The following HJV variants were observed in gnomAD, a reference collection of about 807,000 sequenced individuals.
HJV encodes hemojuvelin.
Under a neutral mutation model 22.7 loss-of-function variants are expected in HJV, and 18 were observed. That is an observed-to-expected ratio of 0.79 (90% confidence interval 0.55 to 1.18). The LOEUF (loss-of-function observed/expected upper bound fraction) is 1.18. Ranked by LOEUF, HJV falls within the 50% of genes most tolerant of loss-of-function variation. HJV has a pLI of 0.00. For synonymous variants in HJV, 229 were observed against 222.7 expected (o/e 1.03, Z -0.25); for missense variants, 572 against 553.0 (o/e 1.03, Z -0.34).
At position 146,018,152 on chromosome 1, in the gene HJV, C is replaced by A. The variant is rs1571041341; in HGVS notation, c.1206G>T (p.Gly402=). 4.3e-6 allele frequency: 7 copies of A among 1,614,070 alleles called. No homozygotes were observed. In the East Asian group the frequency reaches 1.6e-4, roughly 36 times the overall value. Residue 402 remains glycine, a synonymous_variant, in exon 4 of 4, where the codon GGG becomes GGT. Transcript: ENST00000336751. ...EKLHLFPSDA[G]VPLSSATLLA... is the part of the protein sequence containing the mutation. ...AGAGGGTTGCTGAGGAAAGAGGAAC[C>A]CCAGCATCTGAGGGGAAGAGATGCA...
In HJV at chr1:146,019,133, G is replaced by A. The variant is rs368033719; in HGVS notation, c.657+42C>T. ...ATGGGGAGGAATGGTGCCCGTGGAA[G>A]AATCTCATGAGGTGGATCGGAAGGA... On this transcript the variant is annotated intron_variant, in intron 3 of 3. Coordinates refer to ENST00000336751, the MANE Select transcript of HJV (RefSeq NM_213653.4). 6.7e-6 allele frequency: 10 copies of A among 1,503,278 alleles called. No homozygotes were observed. In the African/African-American group the frequency reaches 9.6e-5, roughly 14 times the overall value. 93.1% of individuals were successfully genotyped at this position (1,503,278 alleles called of 1,614,324 possible). A position where few individuals can be genotyped will look rare whatever the true frequency, so the allele number is the denominator to read the frequency against.
chr1:146,020,140 C>G lies in HJV; in HGVS notation c.92G>C (p.Gly31Ala). ...STLTLLLLLC[G>A]HAHSQCKILR... ...CTTCCCTGGCCCTTCCTTACCATGT[C>G]CACAGAGGAGCAGCAGGAGAGTGAG... The change falls in exon 2 of 4, where the codon GGA becomes GCA. Residue 31 changes from glycine to alanine, a missense_variant. Transcript: ENST00000336751. 6.2e-7 allele frequency: 1 copy of G among 1,605,478 alleles called. No individual in the cohort carries two copies. The highest frequency in any genetic ancestry group is 8.5e-7 in the Non-Finnish European group (1 of 1,172,152).
In HJV at chr1:146,017,942, C is replaced by T. The variant is rs182629685; in HGVS notation, c.*135G>A. 26 of 984,198 alleles carry T rather than the reference C, an allele frequency of 2.6e-5. No homozygotes were observed. The East Asian group carries it at 6.2e-4, about 24-fold the overall frequency. 61.0% of individuals were successfully genotyped at this position (984,198 alleles called of 1,614,324 possible). On this transcript the variant is annotated 3_prime_UTR_variant, in exon 4 of 4. Coordinates refer to ENST00000336751, the MANE Select transcript of HJV (RefSeq NM_213653.4). Reference sequence around the variant, plus strand: ...GATAATTTCAACCCTGGACTGCAGCCTCATCTGACTCTGGATAATGTCATT... The same window carrying T: ...GATAATTTCAACCCTGGACTGCAGCTTCATCTGACTCTGGATAATGTCATT...
In HJV at chr1:146,019,343, C is replaced by A. The variant is rs1553769670; in HGVS notation, c.489G>T (p.Gly163=). 2 of 1,613,856 alleles carry A rather than the reference C, an allele frequency of 1.2e-6. No individual in the cohort carries two copies. The highest frequency in any genetic ancestry group is 1.7e-5 in the Admixed American group (1 of 60,036). Residue 163 remains glycine (G), a synonymous_variant, in exon 3 of 4, where the codon GGG becomes GGT. Transcript: ENST00000336751. ...CCCCGAAGGAAGCGCAATGCAAGAA[C>A]CCCGGGGGACGACCATGCAGCCGGG... ...RFSRLHGRPP[G]FLHCASFGDP...
At chr1:146,020,590 T>C (rs1460636519) in intron 1 of HJV, among the ~76,000 whole-genome samples, 1 of 152,192 alleles carries the variant, frequency 6.6e-6, no homozygotes, top group Non-Finnish European at 1.5e-5. Context: ...TGCTCCATTC[T>C]GAGCTACCAA....
In HJV at chr1:146,018,187, A is replaced by C; in HGVS notation, c.1171T>G (p.Leu391Val). 1 of 1,614,166 alleles carries C rather than the reference A, an allele frequency of 6.2e-7. No individual in the cohort carries two copies. Among genetic ancestry groups the C allele is most frequent in the Non-Finnish European group, 8.5e-7 (1 of 1,180,028 alleles). Residue 391 changes from leucine (L) to valine (V), a missense_variant, in exon 4 of 4, where the codon TTA becomes GTA. Coordinates refer to ENST00000336751, the MANE Select transcript of HJV (RefSeq NM_213653.4). ...LEDARAFLPD[L>V]EKLHLFPSDA... ...GAGGGGAAGAGATGCAGCTTCTCTAAGTCTGGCAGGAAGGCTCGGGCATCC... is the reference window on the plus strand; with the variant it reads ...GAGGGGAAGAGATGCAGCTTCTCTACGTCTGGCAGGAAGGCTCGGGCATCC...
Position 146,019,378 on chromosome 1 carries a change from C to T in HJV, c.454G>A (p.Gly152Ser), listed in dbSNP as rs781817183. 6.2e-7 allele frequency: 1 copy of T among 1,613,756 alleles called. No individual in the cohort carries two copies. Among genetic ancestry groups the T allele is most frequent in the Admixed American group, 1.7e-5 (1 of 60,026 alleles). Residue 152 changes from glycine (G) to serine (S), a missense_variant, in exon 3 of 4, where the codon GGC becomes AGC. Transcript: ENST00000336751. ...CGACCATGCAGCCGGGAAAACCGGCCTTCATAGTCACAAGGGTCCGGGGCA... is the reference window on the plus strand; with the variant it reads ...CGACCATGCAGCCGGGAAAACCGGCTTTCATAGTCACAAGGGTCCGGGGCA... ...LPAPDPCDYE[G>S]RFSRLHGRPP...
At chr1:146,018,795 A>T in intron 3 of HJV, 95 bp from the exon 4 acceptor site, 1 of 1,306,930 alleles carries the variant, frequency 7.7e-7, no homozygotes, top group Non-Finnish European at 1.1e-6. Context: ...ATCCAAGTAG[A>T]GATGCAGGAC....
At position 146,019,689 on chromosome 1, in the gene HJV, G is replaced by A. The variant is rs1305404947; in HGVS notation, c.143C>T (p.Ser48Leu). The A allele has an allele frequency of 1.2e-6, 2 of 1,613,916 alleles. No homozygotes were observed. Among genetic ancestry groups the A allele is most frequent in the Non-Finnish European group, 8.5e-7 (1 of 1,179,976 alleles). The change falls in exon 3 of 4, where the codon TCG (serine) becomes TTG (leucine). Residue 48 changes from serine (S) to leucine (L), a missense_variant. Physicochemically the swap from Ser to Leu is moderately radical, Grantham distance 145 (BLOSUM62 -2). Coordinates refer to ENST00000336751, the MANE Select transcript of HJV (RefSeq NM_213653.4). Reference sequence around the variant, plus strand: ...CCCACCTCTAAGGCTCAGAGTGGACGATACGTACTCAGCATTGCAGCGGAG... The same window carrying A: ...CCCACCTCTAAGGCTCAGAGTGGACAATACGTACTCAGCATTGCAGCGGAG... ...KILRCNAEYV[S>L]STLSLRGGGS...
In HJV at chr1:146,018,467, G is replaced by A. The variant is rs2101982488; in HGVS notation, c.891C>T (p.Ser297=). The A allele has an allele frequency of 7.4e-6, 12 of 1,614,176 alleles. No individual in the cohort carries two copies. The highest frequency in any genetic ancestry group is 1.0e-5 in the Non-Finnish European group (12 of 1,180,038). The change falls in exon 4 of 4, where the codon TCC becomes TCT. Residue 297 remains serine (S), a synonymous_variant. Transcript: ENST00000336751. ...IRQTAGQLSF[S]IKVAEDVAMA... is the part of the protein sequence containing the mutation. ...TGGCCACATCCTCTGCTACCTTGAT[G>A]GAGAAGGAGAGCTGCCCAGCTGTCT... is the stretch of plus-strand genomic sequence containing the variant.
rs587644102 is a variant in HJV at position 146,019,625 on chromosome 1, GCCTCCT to G, written c.201_206del (p.Gly68_Gly69del). On this transcript the variant is annotated inframe_deletion, in exon 3 of 4. Coordinates refer to ENST00000336751, the MANE Select transcript of HJV (RefSeq NM_213653.4). ...CGCCAGAGCCCACCCCTCCACCCCGGCCTCCTCCTCCTCCTCCTCGAAGTGCTCCTG... is the reference window on the plus strand; with the variant it reads ...CGCCAGAGCCCACCCCTCCACCCCGGCCTCCTCCTCCTCGAAGTGCTCCTG... 2 of 1,608,880 alleles carry G rather than the reference GCCTCCT, an allele frequency of 1.2e-6. No homozygotes were observed. The highest frequency in any genetic ancestry group is 1.7e-6 in the Non-Finnish European group (2 of 1,175,816).
rs782510211 is a variant in HJV at position 146,019,249 on chromosome 1, C to G, written c.583G>C (p.Asp195His). 1 of 1,613,994 alleles carries G rather than the reference C, an allele frequency of 6.2e-7. No homozygotes were observed. The highest frequency in any genetic ancestry group is 8.5e-7 in the Non-Finnish European group (1 of 1,180,034). ...GCTTGGACAAAGAGGAAGTCATTAT[C>G]CAGTAGAGGCCAAGCTCCTTGGACA... ...CRVQGAWPLL[D>H]NDFLFVQATS... is the part of the protein sequence containing the mutation. Residue 195 changes from aspartate (D) to histidine (H), a missense_variant, in exon 3 of 4, where the codon GAT becomes CAT. Coordinates refer to ENST00000336751, the MANE Select transcript of HJV (RefSeq NM_213653.4).
Position 146,019,741 on chromosome 1 carries a change from A to G in HJV, c.98-7T>C. 6.2e-7 allele frequency: 1 copy of G among 1,614,024 alleles called. No homozygotes were observed. The highest frequency in any genetic ancestry group is 8.5e-7 in the Non-Finnish European group (1 of 1,179,994). On this transcript the variant is annotated splice_polypyrimidine_tract_variant and splice_region_variant and intron_variant, in intron 2 of 3. Transcript: ENST00000336751. Reference sequence around the variant, plus strand: ...ATCTTGCATTGAGAATGAGCTAAAGACAGAAGGGAGAGGATTGTGAGACGG... The same window carrying G: ...ATCTTGCATTGAGAATGAGCTAAAGGCAGAAGGGAGAGGATTGTGAGACGG...
chr1:146,019,310 A>T lies in HJV; in HGVS notation c.522T>A (p.His174Gln). ...GAAAGTGATGGTGGAAGCTGCGCAC[A>T]TGGGGGTCCCCGAAGGAAGCGCAAT... ...FLHCASFGDP[H>Q]VRSFHHHFHT... Residue 174 changes from histidine to glutamine, a missense_variant, in exon 3 of 4, where the codon CAT becomes CAA. His to Gln is a conservative substitution (Grantham distance 24). Transcript: ENST00000336751. The T allele has an allele frequency of 6.2e-7, 1 of 1,613,830 alleles. No individual in the cohort carries two copies. The highest frequency in any genetic ancestry group is 8.5e-7 in the Non-Finnish European group (1 of 1,180,020).
chr1:146,018,294 T>G lies in HJV; in HGVS notation c.1064A>C (p.Asp355Ala). The change falls in exon 4 of 4, where the codon GAT (aspartate) becomes GCT (alanine). Residue 355 changes from aspartate to alanine, a missense_variant. Physicochemically the swap from Asp to Ala is moderately radical, Grantham distance 126. Transcript: ENST00000336751. ...AAAGACACAGGAATGGAAGTAAGCA[T>G]CTTCCACTGGAAGCCCTTCCTTGCA... ...RLCKEGLPVE[D>A]AYFHSCVFDV... The G allele has an allele frequency of 6.2e-7, 1 of 1,614,050 alleles. No homozygotes were observed. The highest frequency in any genetic ancestry group is 1.1e-5 in the South Asian group (1 of 91,082).
At chr1:146,020,049 CCTCA>C (rs1652625812) in intron 2 of HJV, 82 bp downstream of exon 2, 1 of 947,928 alleles carries the variant, frequency 1.1e-6, no homozygotes, top group African/African-American at 1.6e-5. Context: ...GCCTATCTCT[CCTCA>C]CTCATTCAGG....
intron 2 of HJV, 100 bp from the exon 3 acceptor site, chr1:146,019,834 C>T (rs1652607729): frequency 1.3e-6 from 2 of 1,594,062 alleles, no homozygotes; most frequent in Admixed American, 3.4e-5. Context: ...CAGGGGTTTC[C>T]AGCCTTCCTA....
At chr1:146,021,458 G>C (rs1571049310) in intron 1 of HJV, 129 bp downstream of exon 1, 1 of 152,680 alleles carries the variant, frequency 6.5e-6, no homozygotes, top group East Asian at 1.9e-4. Context: ...AATGGAGATT[G>C]GGGCACCTTG....
chr1:146,019,164 G>T lies in HJV; in HGVS notation c.657+11C>A, dbSNP rs1253184913. 1 of 1,604,486 alleles carries T rather than the reference G, an allele frequency of 6.2e-7. No homozygotes were observed. The highest frequency in any genetic ancestry group is 1.1e-5 in the South Asian group (1 of 90,840). On this transcript the variant is annotated intron_variant, in intron 3 of 3. Coordinates refer to ENST00000336751, the MANE Select transcript of HJV (RefSeq NM_213653.4). ...CATGAGGTGGATCGGAAGGAAGATT[G>T]AGTGCCTGACCTTCCGGGTGGCGGT... is the stretch of plus-strand genomic sequence containing the variant.
Sources: allele counts gnomAD v4.1 joint callset (sites outside exome capture counted in the v4.1 genomes callset), GRCh38; gene constraint gnomAD v4.1.1; transcripts MANE v1.5; gene names NCBI Gene and HGNC (gene_info 2026-07-23, HGNC 2026-07-21).